Variants in ZNF410 observed in about 807,000 individuals in gnomAD.
ZNF410 encodes the protein another partner for ARF 1.
A neutral mutation model predicts 54.8 loss-of-function variants in ZNF410; 18 were observed. The ratio of observed to expected loss-of-function variants is 0.33; its 90% CI spans 0.23 to 0.49. ZNF410 has a LOEUF of 0.49. Ranked by LOEUF, ZNF410 falls within the 20% of genes least tolerant of loss-of-function variation. The pLI is 0.99. For synonymous variants in ZNF410, 191 were observed against 207.3 expected, an observed-to-expected ratio of 0.92 and a Z score of 0.68; for missense variants, 405 against 569.6, an observed-to-expected ratio of 0.71 and a Z score of 2.94.
intron 11 of ZNF410, chr14:73,927,302 C>A (rs2055848541): frequency 6.2e-6 from 1 of 161,150 alleles, no homozygotes; most frequent in African/African-American, 2.4e-5. Context: ...TGGTCTTGAA[C>A]TCCTGACCTC....
intron 7 of ZNF410, among the ~76,000 whole-genome samples, chr14:73,907,894 GA>G (rs113294277): frequency 0.036 from 4,912 of 135,724 alleles, 141 homozygotes; most frequent in African/African-American, 0.091. Flanking sequence ...ACTCTGTCTT[GA>G]AAAAAAAAAA....
intron 4 of ZNF410, 60 bp downstream of exon 4, chr14:73,896,594 A>T (rs760336947): frequency 3.4e-5 from 45 of 1,313,826 alleles, no homozygotes; most frequent in Non-Finnish European, 4.7e-5. Context: ...GGGGTGGGGC[A>T]TATTTAACTT....
At chr14:73,910,390 TA>T (rs1326590568) in intron 8 of ZNF410, among the ~76,000 whole-genome samples, 1 of 152,124 alleles carries the variant, frequency 6.6e-6, no homozygotes, top group Non-Finnish European at 1.5e-5. Context: ...TGGCTGGCTA[TA>T]AAGTTATACA....
chr14:73,903,188 G>A (rs770035721), intron 5 of ZNF410, among the ~76,000 whole-genome samples: 26 of 152,160 alleles, frequency 1.7e-4, no homozygotes, highest in Non-Finnish European at 3.4e-4. Flanking sequence ...GAGTGCAGTG[G>A]TGCAATCTCG....
intron 7 of ZNF410, 45 bp from the exon 8 acceptor site, chr14:73,909,296 C>CA: frequency 6.7e-7 from 1 of 1,498,442 alleles, no homozygotes; most frequent in Non-Finnish European, 9.2e-7. Flanking sequence ...AACAGGTAAT[C>CA]AGTTCATCAG....
intron 8 of ZNF410, among the ~76,000 whole-genome samples, chr14:73,911,179 T>C (rs926708587): frequency 6.6e-6 from 1 of 152,228 alleles, no homozygotes; most frequent in Non-Finnish European, 1.5e-5. Context: ...TTTTCTCTGC[T>C]ACTGCTTAAC....
Position 73,892,503 on chromosome 14 carries a change from A to C in ZNF410, c.33+295A>C, listed in dbSNP as rs113744053. 2.5e-3 allele frequency among the ~76,000 whole-genome samples: 385 copies of C among 151,930 alleles called. 5 individuals carry two copies. The highest frequency in any genetic ancestry group is 8.8e-3 in the African/African-American group (366 of 41,512). On this transcript the variant is annotated intron_variant, in intron 2 of 11. Transcript: ENST00000555044. ...GTATAAATATATACATAAATATGAG[A>C]TACATGTGATGTATAGGTGTATAAG...
intron 11 of ZNF410, among the ~76,000 whole-genome samples, chr14:73,926,727 G>T (rs1486348780): frequency 2.8e-5 from 3 of 107,392 alleles, no homozygotes; most frequent in African/African-American, 8.6e-5. Flanking sequence ...GAGCCACTGC[G>T]CCCGGCCAGG....
chr14:73,920,769 C>T, intron 8 of ZNF410: 1 of 543,762 alleles, frequency 1.8e-6, no homozygotes, highest in African/African-American at 1.9e-5. Flanking sequence ...GGACCAGCAG[C>T]TGGGAGCAGG....
chr14:73,893,430 C>G, intron 2 of ZNF410: 1 of 170,392 alleles, frequency 5.9e-6, no homozygotes, highest in Non-Finnish European at 1.3e-5. Context: ...GGCTGCAAAC[C>G]TATACAGCAT....
At chr14:73,914,695 C>A (rs901354000) in intron 8 of ZNF410, 6 of 137,768 alleles carry the variant, frequency 4.4e-5, no homozygotes, top group Non-Finnish European at 6.0e-5. Flanking sequence ...ATGGCGTAAT[C>A]TGGGCTCACT....
At position 73,893,705 on chromosome 14, in the gene ZNF410, G is replaced by A. The variant is rs1459371007; in HGVS notation, c.34-92G>A. 2.2e-5 allele frequency: 30 copies of A among 1,391,966 alleles called. No homozygotes were observed. The South Asian group carries it at 4.5e-4, about 21-fold the overall frequency. The allele number at this position is 1,391,966 out of a possible 1,614,324, so 86.2% of individuals were successfully genotyped here. ...TTGTTTGAATATGGATGAGACTAGT[G>A]AACAGTCTTAATATTATCTTTTGGT... On this transcript the variant is annotated intron_variant, in intron 2 of 11. Coordinates refer to ENST00000555044, the MANE Select transcript of ZNF410 (RefSeq NM_021188.3).
intron 6 of ZNF410, 85 bp from the exon 7 acceptor site, chr14:73,904,817 C>A: frequency 6.9e-7 from 1 of 1,444,228 alleles, no homozygotes; most frequent in Non-Finnish European, 9.3e-7. Flanking sequence ...TTACTGTTTG[C>A]CTTGAGAGTC....
rs79189144 is a variant in ZNF410, at chr14:73,905,241, T to C, written c.913+158T>C. Reference sequence around the variant, plus strand: ...TCTTTTTCAAATGACTTGTTGCACTTATAATAACATTTATTGTATTTTTAC... The same window carrying C: ...TCTTTTTCAAATGACTTGTTGCACTCATAATAACATTTATTGTATTTTTAC... On this transcript the variant is annotated intron_variant, in intron 7 of 11. Coordinates refer to ENST00000555044, the MANE Select transcript of ZNF410 (RefSeq NM_021188.3). 1.1e-3 allele frequency: 817 copies of C among 712,472 alleles called. 4 individuals carry two copies. In the African/African-American group the frequency reaches 0.013, roughly 12 times the overall value. 44.1% of individuals were successfully genotyped at this position (712,472 alleles called of 1,614,324 possible).
intron 2 of ZNF410, 38 bp downstream of exon 2, chr14:73,892,246 G>T (rs768598339): frequency 6.2e-7 from 1 of 1,606,174 alleles, no homozygotes; most frequent in Non-Finnish European, 8.5e-7. Flanking sequence ...CTTTTGGTGG[G>T]CTATATTTCA....
rs757999945 is a variant in ZNF410 at position 73,892,124 on chromosome 14, ATTAAAT to A, written c.-49_-44del. 86 of 1,598,286 alleles carry A rather than the reference ATTAAAT, an allele frequency of 5.4e-5. No individual in the cohort carries two copies. In the South Asian group the frequency reaches 8.8e-4, roughly 16 times the overall value. On this transcript the variant is annotated 5_prime_UTR_variant, in exon 2 of 12. Coordinates refer to ENST00000555044, the MANE Select transcript of ZNF410 (RefSeq NM_021188.3). Reference sequence around the variant, plus strand: ...AACAGGAAGGTATCATTGGCTCTGAATTAAATTTGAACTTGTCCCCTGAATAGCTAC... The same window carrying A: ...AACAGGAAGGTATCATTGGCTCTGAATTGAACTTGTCCCCTGAATAGCTAC...
rs1458753718 is a variant in ZNF410, at chr14:73,921,108, G to T, written c.1129+3G>T. 4 of 1,613,824 alleles carry T rather than the reference G, an allele frequency of 2.5e-6. No homozygotes were observed. Among genetic ancestry groups the T allele is most frequent in the South Asian group, 1.1e-5 (1 of 91,062 alleles). ...GAGTCAAGAGCAGGAGCAAACTGGT[G>T]AGGAGGGTGGGCATAGTGGAACGCT... On this transcript the variant is annotated splice_donor_region_variant and intron_variant, in intron 9 of 11. Coordinates refer to ENST00000555044, the MANE Select transcript of ZNF410 (RefSeq NM_021188.3).
intron 8 of ZNF410, among the ~76,000 whole-genome samples, chr14:73,910,860 TCAAAAAAAAAAAA>T (rs2055566385): frequency 2.0e-5 from 2 of 100,010 alleles, no homozygotes; most frequent in African/African-American, 9.5e-5. Flanking sequence ...AGACCCTGTC[TCAAAAAAAAAAAA>T]AAAAAAGTGG....
chr14:73,904,381 A>G (rs2055450828), intron 6 of ZNF410, among the ~76,000 whole-genome samples: 1 of 152,206 alleles, frequency 6.6e-6, no homozygotes, highest in African/African-American at 2.4e-5. Context: ...TGAGAACTTA[A>G]AAGTAACAAA....
Sources: gnomAD v4.1 joint callset for allele counts (sites outside exome capture counted in the v4.1 genomes callset) on GRCh38, gnomAD v4.1.1 for gene constraint, MANE v1.5 for transcripts, NCBI Gene and HGNC (gene_info 2026-07-23, HGNC 2026-07-21) for gene names.